FGD5: variants seen among roughly 807,000 people sequenced by gnomAD.
The protein encoded by FGD5 is FYVE, RhoGEF and PH domain containing 5, also known as FYVE, RhoGEF and PH domain-containing protein 5.
A neutral mutation model predicts 133.4 loss-of-function variants in FGD5; 28 were observed. That is an observed-to-expected ratio of 0.21 (90% CI 0.16 to 0.29). The LOEUF (loss-of-function observed/expected upper bound fraction) is 0.29. Ranked by LOEUF, FGD5 falls within the 10% of genes least tolerant of loss-of-function variation. The pLI is 1.00. For synonymous variants in FGD5, 810 were observed against 776.5 expected (o/e 1.04, Z -0.72); for missense variants, 1,858 against 1,895.2 (o/e 0.98, Z 0.36).
chr3:14,869,458 C>T (rs1160986920), intron 2 of FGD5, among the ~76,000 whole-genome samples: 1 of 152,132 alleles, frequency 6.6e-6, no homozygotes, highest in Non-Finnish European at 1.5e-5. Context: ...ATAAAATCCA[C>T]CATCGTAACC....
chr3:14,918,636 A>C lies in FGD5; in HGVS notation c.3490-118A>C, dbSNP rs1030221573. The C allele has an allele frequency of 7.2e-6, 7 of 970,192 alleles. No individual in the cohort carries two copies. In the African/African-American group the frequency reaches 1.1e-4, roughly 15 times the overall value. The allele number at this position is 970,192 out of a possible 1,614,324, so 60.1% of individuals were successfully genotyped here. On this transcript the variant is annotated intron_variant, in intron 12 of 19. Coordinates refer to ENST00000285046, the MANE Select transcript of FGD5 (RefSeq NM_152536.4). Reference sequence around the variant, plus strand: ...TACCATCACAGAAAGGTATGCCCTGAGGCTAGAGAACGGCAGTAGGTGGAC... The same window carrying C: ...TACCATCACAGAAAGGTATGCCCTGCGGCTAGAGAACGGCAGTAGGTGGAC...
At chr3:14,921,105 GC>G (rs1359214772) in intron 13 of FGD5, among the ~76,000 whole-genome samples, 1 of 152,238 alleles carries the variant, frequency 6.6e-6, no homozygotes, top group African/African-American at 2.4e-5. Context: ...AAGGACAGTG[GC>G]CTTTAGCATG....
chr3:14,912,517 C>G (rs985483785), intron 11 of FGD5, among the ~76,000 whole-genome samples: 6 of 152,334 alleles, frequency 3.9e-5, no homozygotes, highest in African/African-American at 1.4e-4. Flanking sequence ...CCCACAGATG[C>G]CTGAGTCCTT....
At chr3:14,870,073 C>G (rs2037575966) in intron 2 of FGD5, among the ~76,000 whole-genome samples, 1 of 152,226 alleles carries the variant, frequency 6.6e-6, no homozygotes, top group Admixed American at 6.5e-5. Flanking sequence ...CAGAAGGGTT[C>G]CAATTCCCAG....
At position 14,829,090 on chromosome 3, in the gene FGD5, G is replaced by A. The variant is rs543360122; in HGVS notation, c.2525+7494G>A. 3.0e-4 allele frequency among the ~76,000 whole-genome samples: 45 copies of A among 152,150 alleles called. No homozygotes were observed. The South Asian group carries it at 5.8e-3, about 20-fold the overall frequency. ...ATTACAGGTGTGAGCCACTGCGCCCGGCCAAGGTGGGTCTTGATGGGGAGC... is the reference window on the plus strand; with the variant it reads ...ATTACAGGTGTGAGCCACTGCGCCCAGCCAAGGTGGGTCTTGATGGGGAGC... On this transcript the variant is annotated intron_variant, in intron 1 of 19. Transcript: ENST00000285046.
chr3:14,863,748 T>G (rs2037443431), intron 1 of FGD5, among the ~76,000 whole-genome samples: 1 of 152,182 alleles, frequency 6.6e-6, no homozygotes, highest in Non-Finnish European at 1.5e-5. Context: ...CATCCCTTAC[T>G]CAGGCCCAGA....
intron 1 of FGD5, among the ~76,000 whole-genome samples, chr3:14,853,885 T>A (rs1016465589): frequency 4.0e-5 from 6 of 151,588 alleles, no homozygotes; most frequent in Admixed American, 3.9e-4. Context: ...TGGAAGGTCG[T>A]TTAAGGTAAC....
intron 9 of FGD5, 31 bp from the exon 10 acceptor site, chr3:14,907,609 C>G: frequency 6.2e-7 from 1 of 1,605,496 alleles, no homozygotes; most frequent in Non-Finnish European, 8.5e-7. Context: ...GGGCCCTGAC[C>G]ATCTCTCCCT....
intron 1 of FGD5, among the ~76,000 whole-genome samples, chr3:14,840,902 T>C (rs1202682053): frequency 6.6e-6 from 1 of 152,230 alleles, no homozygotes; most frequent in African/African-American, 2.4e-5. Context: ...TATAAATGCC[T>C]ATATTTTAAA....
intron 4 of FGD5, among the ~76,000 whole-genome samples, chr3:14,892,874 T>C (rs1327142649): frequency 1.3e-5 from 2 of 150,792 alleles, no homozygotes; most frequent in Non-Finnish European, 2.9e-5. Context: ...CGGGGTGAAA[T>C]GTCTTGCCCC....
chr3:14,899,064 C>T (rs983037799), intron 7 of FGD5, among the ~76,000 whole-genome samples: 8 of 152,066 alleles, frequency 5.3e-5, no homozygotes, highest in Admixed American at 1.3e-4. Context: ...AAAAACCCAA[C>T]GACACCCCTC....
chr3:14,844,173 G>A (rs2036981408), intron 1 of FGD5, among the ~76,000 whole-genome samples: 2 of 116,230 alleles, frequency 1.7e-5, no homozygotes, highest in South Asian at 2.9e-4. Flanking sequence ...GACCCTTTCA[G>A]CTGTAACATT....
chr3:14,840,171 CT>C (rs2036893879), intron 1 of FGD5, among the ~76,000 whole-genome samples: 1 of 150,638 alleles, frequency 6.6e-6, no homozygotes, highest in African/African-American at 2.4e-5. Flanking sequence ...GAGATGGAAT[CT>C]CGCTCTGTTG....
In FGD5 at chr3:14,864,427, G is replaced by A. The variant is rs1278287546; in HGVS notation, c.2658+167G>A. Among the ~76,000 whole-genome samples, 6 of 152,342 alleles carry A rather than the reference G, an allele frequency of 3.9e-5. No individual in the cohort carries two copies. In the East Asian group the frequency reaches 7.7e-4, roughly 20 times the overall value. On this transcript the variant is annotated intron_variant, in intron 2 of 19. Coordinates refer to ENST00000285046, the MANE Select transcript of FGD5 (RefSeq NM_152536.4). ...CAGCATCAGGGCGCTAGGAAGCATC[G>A]CCTTCTGGGGACTGGCCTCAGTGAT...
At chr3:14,828,820 C>CTTT (rs59960841) in intron 1 of FGD5, among the ~76,000 whole-genome samples, 23 of 124,078 alleles carry the variant, frequency 1.9e-4, no homozygotes, top group African/African-American at 4.2e-4. Context: ...AGGTGGGTCT[C>CTTT]TTTTTTTTTT....
intron 2 of FGD5, among the ~76,000 whole-genome samples, chr3:14,868,455 C>G (rs1331308621): frequency 6.6e-6 from 1 of 152,254 alleles, no homozygotes; most frequent in Non-Finnish European, 1.5e-5. Flanking sequence ...CACCTGTAGC[C>G]TCACCTTGAC....
intron 9 of FGD5, among the ~76,000 whole-genome samples, chr3:14,902,530 G>A (rs1169102104): frequency 1.3e-5 from 2 of 152,132 alleles, no homozygotes; most frequent in African/African-American, 4.8e-5. Context: ...AGGGTAGACT[G>A]AGAGTGGAGG....
chr3:14,885,412 CCTT>C (rs761458495), intron 4 of FGD5, among the ~76,000 whole-genome samples: 1 of 152,116 alleles, frequency 6.6e-6, no homozygotes, highest in South Asian at 2.1e-4. Flanking sequence ...CTCCAGCAAA[CCTT>C]CTGTCCGCAG....
At chr3:14,865,940 C>T (rs995229048) in intron 2 of FGD5, among the ~76,000 whole-genome samples, 3 of 152,128 alleles carry the variant, frequency 2.0e-5, no homozygotes, top group Non-Finnish European at 4.4e-5. Context: ...TCTGGGCATC[C>T]CTGAGGTCAT....
Sources: gnomAD v4.1 joint callset for allele counts (sites outside exome capture counted in the v4.1 genomes callset) on GRCh38, gnomAD v4.1.1 for gene constraint, MANE v1.5 for transcripts, NCBI Gene and HGNC (gene_info 2026-07-23, HGNC 2026-07-21) for gene names.